HSPBAP1: variants seen among roughly 807,000 people sequenced by gnomAD.
HSPBAP1 encodes HSPB1-associated protein 1.
HSPBAP1 carries 27 observed loss-of-function variants against 45.2 expected under a neutral mutation model. The observed-to-expected ratio is 0.60, with a 90% CI of 0.44 to 0.82. The LOEUF is 0.82. Among genes scored for constraint, HSPBAP1 ranks in the 40% least tolerant of loss-of-function variants. The pLI, the probability that HSPBAP1 is intolerant of heterozygous loss-of-function variation, is 0.00. For missense variants in HSPBAP1, 510 were observed against 590.9 expected (o/e 0.86, Z 1.42); for synonymous variants, 204 against 202.7 (o/e 1.01, Z -0.06).
chr3:122,778,515 T>A lies in HSPBAP1; in HGVS notation c.65-609A>T, dbSNP rs1253055527. 2.1e-4 allele frequency among the ~76,000 whole-genome samples: 21 copies of A among 97,908 alleles called. No homozygotes were observed. The East Asian group carries it at 4.0e-3, about 19-fold the overall frequency. The allele number at this position is 97,908 out of a possible 152,430, so 64.2% of individuals were successfully genotyped here. On this transcript the variant is annotated intron_variant, in intron 1 of 7. Coordinates refer to ENST00000306103, the MANE Select transcript of HSPBAP1 (RefSeq NM_024610.6). Reference sequence around the variant, plus strand: ...AACCATCCACAGTCTAGTATTTCTTTTTTTTTTATTTTTTTTTTTTTTTTG... The same window carrying A: ...AACCATCCACAGTCTAGTATTTCTTATTTTTTTATTTTTTTTTTTTTTTTG...
chr3:122,778,966 G>T (rs1180473926), intron 1 of HSPBAP1, among the ~76,000 whole-genome samples: 1 of 152,040 alleles, frequency 6.6e-6, no homozygotes, highest in Non-Finnish European at 1.5e-5. Flanking sequence ...TGTCTTTTCA[G>T]AAGTCTCATG....
intron 6 of HSPBAP1, among the ~76,000 whole-genome samples, chr3:122,746,739 C>A (rs1933874922): frequency 6.6e-6 from 1 of 152,112 alleles, no homozygotes; most frequent in African/African-American, 2.4e-5. Context: ...TCTCGGCTCA[C>A]TGCAACCTCC....
In HSPBAP1 at chr3:122,759,231, G is replaced by A. The variant is rs1460236523; in HGVS notation, c.562C>T (p.Gln188Ter). 6.2e-7 allele frequency: 1 copy of A among 1,600,652 alleles called. No homozygotes were observed. The highest frequency in any genetic ancestry group is 1.4e-5 in the African/African-American group (1 of 73,634). The change falls in exon 4 of 8, where the codon CAA (glutamine) becomes TAA (stop). Residue 188 changes from glutamine (Q) to a stop codon, truncating the protein, a stop_gained. Transcript: ENST00000306103. LOFTEE classifies it high-confidence loss of function. Reference protein sequence around the residue: ...SYGCNLVFQVQGRKRWHLFPP... With the variant: ...SYGCNLVFQV Reference sequence around the variant, plus strand: ...CACACACACACACATTACCTTCCTTGTACCTGGAATACCAAGTTACAACCA... The same window carrying A: ...CACACACACACACATTACCTTCCTTATACCTGGAATACCAAGTTACAACCA...
chr3:122,779,215 G>A (rs1935316735), intron 1 of HSPBAP1, among the ~76,000 whole-genome samples: 1 of 151,490 alleles, frequency 6.6e-6, no homozygotes, highest in African/African-American at 2.4e-5. Flanking sequence ...TTAATTTTTT[G>A]TATTTTTAGT....
At chr3:122,744,074 G>A (rs977093970) in intron 6 of HSPBAP1, among the ~76,000 whole-genome samples, 4 of 106,506 alleles carry the variant, frequency 3.8e-5, no homozygotes, top group East Asian at 2.5e-4. Context: ...ACTGGTGCTC[G>A]TTGTATTATA....
intron 3 of HSPBAP1, among the ~76,000 whole-genome samples, chr3:122,760,341 T>C (rs1432416582): frequency 6.6e-6 from 1 of 151,986 alleles, no homozygotes; most frequent in Admixed American, 6.5e-5. Context: ...AGGTTTTCCT[T>C]TCAGTTTTAA....
chr3:122,759,518 A>G (rs569308212), intron 3 of HSPBAP1, among the ~76,000 whole-genome samples, 158 bp from the exon 4 acceptor site: 13 of 152,372 alleles, frequency 8.5e-5, no homozygotes, highest in Middle Eastern at 3.4e-3. Flanking sequence ...GGGCAGTTCA[A>G]GAAATCTTTT....
At chr3:122,781,520 G>A (rs1935478354) in intron 1 of HSPBAP1, among the ~76,000 whole-genome samples, 2 of 152,120 alleles carry the variant, frequency 1.3e-5, no homozygotes, top group Admixed American at 6.5e-5. Context: ...GTCCAGCTTC[G>A]GCTTGGCACC....
In HSPBAP1 at chr3:122,740,717, C is replaced by A. The variant is rs1336851107; in HGVS notation, c.1095G>T (p.Met365Ile). ...TCTGGCTACCTGTTTGGCCCACCTC[C>A]ATGTGGTTGCACACATTTAATTCTT... ...KKEELNVCNHMEVGQTGSQNL... is the reference protein window; with the variant it reads ...KKEELNVCNHIEVGQTGSQNL... Residue 365 changes from methionine (M) to isoleucine (I), a missense_variant, in exon 8 of 8, where the codon ATG becomes ATT. Met to Ile is a conservative substitution (Grantham distance 10). Transcript: ENST00000306103. 9 of 1,614,124 alleles carry A rather than the reference C, an allele frequency of 5.6e-6. No homozygotes were observed. The highest frequency in any genetic ancestry group is 1.6e-4 in the Middle Eastern group (1 of 6,062).
At position 122,777,807 on chromosome 3, in the gene HSPBAP1, G is replaced by A. The variant is rs1935237764; in HGVS notation, c.164C>T (p.Ala55Val). The change falls in exon 2 of 8, where the codon GCA becomes GTA. Residue 55 changes from alanine (A) to valine (V), a missense_variant. Coordinates refer to ENST00000306103, the MANE Select transcript of HSPBAP1 (RefSeq NM_024610.6). ...AAGGTATTTAGCATTCCAGTGTCGT[G>A]CTGGCCAATCAAACACCATGTTACA... ...IFCNMVFDWP[A>V]RHWNAKYLSQ... is the part of the protein sequence containing the mutation. The A allele has an allele frequency of 1.2e-6, 2 of 1,613,794 alleles. No homozygotes were observed. Among genetic ancestry groups the A allele is most frequent in the African/African-American group, 2.7e-5 (2 of 75,022 alleles).
intron 3 of HSPBAP1, among the ~76,000 whole-genome samples, chr3:122,763,412 A>G (rs923896153): frequency 1.3e-5 from 2 of 152,098 alleles, no homozygotes; most frequent in African/African-American, 4.8e-5. Context: ...GTTCACGTTA[A>G]ATATATGCTG....
intron 5 of HSPBAP1, 122 bp downstream of exon 5, chr3:122,755,138 G>A (rs202229816): frequency 2.4e-4 from 294 of 1,207,950 alleles, no homozygotes; most frequent in Non-Finnish European, 3.0e-4. Flanking sequence ...CAGCAGAGCA[G>A]AGGGAAGGAA....
In HSPBAP1 at chr3:122,759,272, C is replaced by A; in HGVS notation, c.521G>T (p.Cys174Phe). Residue 174 changes from cysteine to phenylalanine, a missense_variant, in exon 4 of 8, where the codon TGT becomes TTT. Physicochemically the swap from Cys to Phe is radical, Grantham distance 205. Transcript: ENST00000306103. Reference protein sequence around the residue: ...WIGSLGAHTPCHLDSYGCNLV... With the variant: ...WIGSLGAHTPFHLDSYGCNLV... ...GTTACAACCATAGGAGTCCAGATGA[C>A]AGGGTGTGTGGGCTCCCAAGGAGCC... 1 of 1,613,690 alleles carries A rather than the reference C, an allele frequency of 6.2e-7. No homozygotes were observed. The highest frequency in any genetic ancestry group is 8.5e-7 in the Non-Finnish European group (1 of 1,179,880).
chr3:122,780,476 C>A (rs1467693870), intron 1 of HSPBAP1, among the ~76,000 whole-genome samples: 1 of 124,618 alleles, frequency 8.0e-6, no homozygotes, highest in Non-Finnish European at 1.7e-5. Flanking sequence ...CGCCCCTCAC[C>A]TCCCGGACGG....
At chr3:122,770,124 T>A (rs984551731) in intron 2 of HSPBAP1, among the ~76,000 whole-genome samples, 1 of 152,248 alleles carries the variant, frequency 6.6e-6, no homozygotes, top group African/African-American at 2.4e-5. Flanking sequence ...TTTCTGCCTG[T>A]AACTGCTTAG....
chr3:122,772,043 G>A (rs1302369108), intron 2 of HSPBAP1, among the ~76,000 whole-genome samples: 2 of 152,154 alleles, frequency 1.3e-5, no homozygotes, highest in Non-Finnish European at 2.9e-5. Context: ...ATCACAACCA[G>A]TTAGAAAACT....
intron 2 of HSPBAP1, among the ~76,000 whole-genome samples, chr3:122,776,766 T>G (rs1256246204): frequency 6.6e-6 from 1 of 152,188 alleles, no homozygotes; most frequent in East Asian, 1.9e-4. Flanking sequence ...ATATTCAACA[T>G]GCTACACCTG....
chr3:122,757,240 AAC>A (rs1934389464), intron 4 of HSPBAP1, among the ~76,000 whole-genome samples: 1 of 152,210 alleles, frequency 6.6e-6, no homozygotes, highest in Non-Finnish European at 1.5e-5. Context: ...AACAGAGAAT[AAC>A]AGTGTCTGCC....
rs1329037398 is a variant in HSPBAP1, at chr3:122,780,323, G to A, written c.65-2417C>T. ...TCCCTCCCGGACGGGGCGGCTGGCC[G>A]GGCGGGGGGCTGACCCCCCCACCTC... On this transcript the variant is annotated intron_variant, in intron 1 of 7. Transcript: ENST00000306103. Among the ~76,000 whole-genome samples, 21 of 81,568 alleles carry A rather than the reference G, an allele frequency of 2.6e-4. 1 individual carries two copies. Among genetic ancestry groups the A allele is most frequent in the Middle Eastern group, 0.013 (2 of 158 alleles). 53.5% of individuals were successfully genotyped at this position (81,568 alleles called of 152,430 possible).
Sources: allele counts gnomAD v4.1 joint callset (sites outside exome capture counted in the v4.1 genomes callset), GRCh38; gene constraint gnomAD v4.1.1; transcripts MANE v1.5; gene names NCBI Gene and HGNC (gene_info 2026-07-23, HGNC 2026-07-21).